Variants in KAZN observed in about 807,000 individuals in gnomAD.
KAZN encodes kazrin, periplakin interacting protein.
Under a neutral mutation model 87.4 loss-of-function variants are expected in KAZN, and 40 were observed. The observed-to-expected ratio is 0.46, with a 90% CI of 0.36 to 0.60. The LOEUF is 0.60. Ranked by LOEUF, KAZN falls within the 20% of genes least tolerant of loss-of-function variation. The pLI is 0.00. For synonymous variants in KAZN, 466 were observed against 458.3 expected, an observed-to-expected ratio of 1.02 and a Z score of -0.22; for missense variants, 898 against 1,073.9, an observed-to-expected ratio of 0.84 and a Z score of 2.29.
At position 15,094,171 on chromosome 1, in the gene KAZN, G is replaced by T. The variant is rs746549455; in HGVS notation, c.1223-9G>T. ...GTCCCCCAGCATGGCCTGCACTTGT[G>T]TGTTGCAGACTCGGACAGCCAGTGC... On this transcript the variant is annotated splice_polypyrimidine_tract_variant and intron_variant, in intron 8 of 14. Transcript: ENST00000376030. The surrounding 1 kb of genome is among the most constrained non-coding windows in gnomAD (Gnocchi z 4.5). 6.2e-7 allele frequency: 1 copy of T among 1,611,964 alleles called. No homozygotes were observed. The highest frequency in any genetic ancestry group is 2.2e-5 in the East Asian group (1 of 44,848).
At chr1:14,364,544 A>G (rs1029970005) in intron 2 of KAZN, among the ~76,000 whole-genome samples, 1 of 152,228 alleles carries the variant, frequency 6.6e-6, no homozygotes, top group Non-Finnish European at 1.5e-5. Context: ...AAAGGGATCC[A>G]TAAAGAGGAA....
Position 14,983,224 on chromosome 1 carries a change from G to A in KAZN, c.418+22349G>A, listed in dbSNP as rs150915348. ...ATTGTTCACACCAAGGTTCATGGGC[G>A]GGGTAAGGCTGTACACCCCCTACCT... On this transcript the variant is annotated intron_variant, in intron 2 of 14. Coordinates refer to ENST00000376030, the MANE Select transcript of KAZN (RefSeq NM_201628.3). Among the ~76,000 whole-genome samples, 53 of 152,226 alleles carry A rather than the reference G, an allele frequency of 3.5e-4. No homozygotes were observed. The East Asian group carries it at 3.7e-3, about 11-fold the overall frequency.
intron 2 of KAZN, among the ~76,000 whole-genome samples, chr1:15,027,067 C>CTTTTT (rs1442824114): frequency 4.5e-4 from 28 of 62,192 alleles, no homozygotes; most frequent in African/African-American, 1.2e-3. Flanking sequence ...CAAGCCAGTG[C>CTTTTT]TTCTTTTTTT....
chr1:14,780,991 G>A (rs1444092049), intron 1 of KAZN, among the ~76,000 whole-genome samples: 1 of 152,194 alleles, frequency 6.6e-6, no homozygotes, highest in African/African-American at 2.4e-5. Flanking sequence ...GAGTGGAGTG[G>A]GGGACACTGA....
At chr1:14,133,835 T>C (rs984683048) in intron 1 of KAZN, among the ~76,000 whole-genome samples, 5 of 152,196 alleles carry the variant, frequency 3.3e-5, no homozygotes, top group Non-Finnish European at 7.3e-5. Flanking sequence ...TCCAGCCATG[T>C]GCAGACTGAG....
chr1:14,170,139 C>T (rs879774031), intron 1 of KAZN, among the ~76,000 whole-genome samples: 1 of 152,194 alleles, frequency 6.6e-6, no homozygotes, highest in Non-Finnish European at 1.5e-5. Flanking sequence ...TGCAGTTCAT[C>T]AGCTCTCAAA....
intron 2 of KAZN, among the ~76,000 whole-genome samples, chr1:15,023,382 T>A (rs1012118592): frequency 6.6e-6 from 1 of 151,726 alleles, no homozygotes; most frequent in African/African-American, 2.4e-5. Flanking sequence ...AAAGGCATGT[T>A]TGAATAAAGA....
intron 1 of KAZN, among the ~76,000 whole-genome samples, chr1:14,624,308 G>A (rs1678933841): frequency 6.6e-6 from 1 of 152,124 alleles, no homozygotes; most frequent in South Asian, 2.1e-4. Context: ...TGTAGTCCCA[G>A]CTACTCTAGA....
intron 2 of KAZN, among the ~76,000 whole-genome samples, chr1:14,463,321 T>C (rs1247181218): frequency 6.6e-6 from 1 of 152,162 alleles, no homozygotes; most frequent in Non-Finnish European, 1.5e-5. Flanking sequence ...CTTCACTTTA[T>C]CTTGTCTGGA....
intron 2 of KAZN, among the ~76,000 whole-genome samples, chr1:14,205,958 G>A (rs1023835514): frequency 2.5e-4 from 35 of 140,476 alleles, no homozygotes; most frequent in Non-Finnish European, 3.3e-4. Context: ...CCAACGTGGC[G>A]CATGTATACA....
chr1:14,958,762 G>A (rs151224586), intron 1 of KAZN, among the ~76,000 whole-genome samples: 58 of 152,332 alleles, frequency 3.8e-4, no homozygotes, highest in African/African-American at 1.3e-3. Context: ...GCATGTGTCC[G>A]GTCTAGCCAG....
At chr1:14,402,118 C>T (rs1383512439) in intron 2 of KAZN, among the ~76,000 whole-genome samples, 1 of 150,630 alleles carries the variant, frequency 6.6e-6, no homozygotes, top group African/African-American at 2.4e-5. Context: ...TATATATTTT[C>T]AGAACTAAAA....
intron 1 of KAZN, among the ~76,000 whole-genome samples, chr1:14,625,424 C>T (rs1428083311): frequency 6.6e-6 from 1 of 152,190 alleles, no homozygotes; most frequent in Non-Finnish European, 1.5e-5. Flanking sequence ...AAATTTCACT[C>T]TTCTCTGCAA....
intron 1 of KAZN, among the ~76,000 whole-genome samples, chr1:14,615,792 A>T (rs1279469325): frequency 2.0e-5 from 3 of 152,242 alleles, no homozygotes; most frequent in African/African-American, 4.8e-5. Context: ...ACACTGGTTC[A>T]GTCAAAATGA....
intron 2 of KAZN, among the ~76,000 whole-genome samples, chr1:14,326,353 T>TTCAAAGGCTA (rs1656417703): frequency 1.3e-5 from 2 of 152,170 alleles, no homozygotes; most frequent in African/African-American, 4.8e-5. Flanking sequence ...TTATTAGCTC[T>TTCAAAGGCTA]ATCCTCTTCA....
intron 2 of KAZN, among the ~76,000 whole-genome samples, chr1:14,354,715 G>C (rs924115080): frequency 1.1e-4 from 16 of 149,360 alleles, no homozygotes; most frequent in African/African-American, 3.9e-4. Context: ...CCAAATGTTG[G>C]CAAGGACCTG....
At chr1:14,738,022 A>C (rs1235715126) in intron 1 of KAZN, among the ~76,000 whole-genome samples, 1 of 152,186 alleles carries the variant, frequency 6.6e-6, no homozygotes, top group African/African-American at 2.4e-5. Context: ...AAGTGGGTAC[A>C]CCAGGAGAGG....
chr1:14,924,223 G>A (rs1415840254), intron 1 of KAZN: 9 of 981,470 alleles, frequency 9.2e-6, no homozygotes, highest in Non-Finnish European at 1.1e-5. Context: ...GCCCTGGTCC[G>A]GCGCGCGCCG....
intron 1 of KAZN, among the ~76,000 whole-genome samples, chr1:14,772,493 G>A (rs974386963): frequency 6.7e-6 from 1 of 148,742 alleles, no homozygotes; most frequent in African/African-American, 2.5e-5. Flanking sequence ...CACCACCCCT[G>A]CCCCAATCAC....
Sources: allele counts gnomAD v4.1 joint callset (sites outside exome capture counted in the v4.1 genomes callset), GRCh38; gene constraint gnomAD v4.1.1; non-coding constraint Gnocchi (gnomAD v3.1); transcripts MANE v1.5; gene names NCBI Gene and HGNC (gene_info 2026-07-23, HGNC 2026-07-21).